LNPK: variants seen among roughly 807,000 people sequenced by gnomAD.
LNPK encodes lunapark, ER junction formation factor.
In LNPK, 29 loss-of-function variants were observed where a neutral mutation model predicts 55.2. That is an observed-to-expected ratio of 0.53 (90% confidence interval 0.39 to 0.72). The LOEUF is 0.72. Ranked by LOEUF, LNPK falls within the 30% of genes least tolerant of loss-of-function variation. LNPK has a pLI of 0.00. For synonymous variants in LNPK, 162 were observed against 168.2 expected (o/e 0.96, Z 0.29); for missense variants, 467 against 494.8 (o/e 0.94, Z 0.53).
chr2:175,976,726 T>C (rs1686928782), intron 5 of LNPK, among the ~76,000 whole-genome samples: 1 of 152,208 alleles, frequency 6.6e-6, no homozygotes, highest in African/African-American at 2.4e-5. Flanking sequence ...AAACATCAGC[T>C]CTTTCTGGGT....
At chr2:175,982,993 A>G (rs1687244930) in intron 4 of LNPK, among the ~76,000 whole-genome samples, 2 of 152,224 alleles carry the variant, frequency 1.3e-5, no homozygotes, top group Admixed American at 1.3e-4. Context: ...CTAAAACTCA[A>G]CCATCAGAAT....
At chr2:175,996,103 G>A (rs949186718) in intron 1 of LNPK, among the ~76,000 whole-genome samples, 1 of 151,984 alleles carries the variant, frequency 6.6e-6, no homozygotes, top group Non-Finnish European at 1.5e-5. Context: ...GTGAGCCATC[G>A]CACACCACCA....
chr2:175,980,796 A>G (rs1487265573), intron 4 of LNPK, among the ~76,000 whole-genome samples: 2 of 151,744 alleles, frequency 1.3e-5, no homozygotes, highest in Non-Finnish European at 1.5e-5. Context: ...AGTCCCAGCT[A>G]CTTGGGAGGC....
chr2:175,962,576 T>C (rs1686097974), intron 8 of LNPK, among the ~76,000 whole-genome samples: 1 of 152,178 alleles, frequency 6.6e-6, no homozygotes, highest in Non-Finnish European at 1.5e-5. Flanking sequence ...AAGACTTAAA[T>C]GTTAGACCTA....
intron 8 of LNPK, among the ~76,000 whole-genome samples, chr2:175,952,412 C>G (rs1454392928): frequency 2.0e-5 from 3 of 151,844 alleles, no homozygotes; most frequent in African/African-American, 7.3e-5. Context: ...GATATATTTT[C>G]AGGTAAATTT....
Position 175,987,760 on chromosome 2 carries a change from T to C in LNPK, c.257+4471A>G, listed in dbSNP as rs79746376. On this transcript the variant is annotated intron_variant, in intron 4 of 12. Transcript: ENST00000272748. The stretch of plus-strand genomic sequence containing the variant: ...GACTCACATTCATCAAAGCATTTGT[T>C]GTTCTTTTCTGAATGAAATTAATGC... Among the ~76,000 whole-genome samples the C allele has an allele frequency of 1.0e-3, 154 of 152,316 alleles. 1 individual carries two copies. Among genetic ancestry groups the C allele is most frequent in the African/African-American group, 3.5e-3 (144 of 41,560 alleles).
At position 175,951,607 on chromosome 2, in the gene LNPK, A is replaced by ATATATATC. The variant is rs972901665; in HGVS notation, c.494-3916_494-3915insGATATATA. 5.9e-4 allele frequency among the ~76,000 whole-genome samples: 72 copies of ATATATATC among 121,704 alleles called. 7 individuals are homozygous for ATATATATC. Among genetic ancestry groups the ATATATATC allele is most frequent in the Admixed American group, 3.4e-3 (42 of 12,220 alleles). 79.8% of individuals were successfully genotyped at this position (121,704 alleles called of 152,430 possible). The stretch of plus-strand genomic sequence containing the variant: ...TTCATATATATATATATATATATAT[A>ATATATATC]TATCTCAGTTTCTTTATCCACTCAT... On this transcript the variant is annotated intron_variant, in intron 8 of 12. Coordinates refer to ENST00000272748, the MANE Select transcript of LNPK (RefSeq NM_030650.3).
chr2:175,940,489 T>C (rs77386279), intron 9 of LNPK, among the ~76,000 whole-genome samples: 221 of 152,216 alleles, frequency 1.5e-3, no homozygotes, highest in Non-Finnish European at 2.5e-3. Flanking sequence ...GGGCCAAGAA[T>C]ATTGCCCATT....
intron 2 of LNPK, 112 bp downstream of exon 2, chr2:175,995,446 G>T: frequency 1.4e-6 from 1 of 701,976 alleles, no homozygotes; most frequent in South Asian, 3.0e-5. Context: ...AAAAGTTAAG[G>T]AAAATAGCAA....
At position 175,924,880 on chromosome 2, in the gene LNPK, G is replaced by C. The variant is rs1379682049; in HGVS notation, c.*5087C>G. The C allele has an allele frequency of 6.6e-6, 1 of 152,210 alleles. No individual in the cohort carries two copies. The highest frequency in any genetic ancestry group is 1.5e-5 in the Non-Finnish European group (1 of 68,208). 9.4% of individuals were successfully genotyped at this position (152,210 alleles called of 1,614,324 possible). On this transcript the variant is annotated 3_prime_UTR_variant, in exon 13 of 13. Coordinates refer to ENST00000272748, the MANE Select transcript of LNPK (RefSeq NM_030650.3). ...AGAGGAAGCAAAGAAGAAAGGGAGG[G>C]AGGATACCAGGCTCTTTTAAACAAT...
chr2:175,997,705 CTGTGTG>C (rs35147185), intron 1 of LNPK, among the ~76,000 whole-genome samples: 17 of 144,028 alleles, frequency 1.2e-4, no homozygotes, highest in African/African-American at 2.3e-4. Flanking sequence ...AACAAATGCT[CTGTGTG>C]TGTGTGTGTG....
At chr2:175,943,114 A>C (rs1684939212) in intron 9 of LNPK, among the ~76,000 whole-genome samples, 1 of 151,750 alleles carries the variant, frequency 6.6e-6, no homozygotes, top group Non-Finnish European at 1.5e-5. Context: ...TCACTCAAGA[A>C]GATAAAAATA....
At chr2:175,945,135 G>A (rs910558511) in intron 9 of LNPK, among the ~76,000 whole-genome samples, 4 of 151,686 alleles carry the variant, frequency 2.6e-5, no homozygotes, top group Non-Finnish European at 5.9e-5. Flanking sequence ...CTGACCTCAG[G>A]TGATCTGCCC....
chr2:175,939,800 TGAA>T (rs1376195017), intron 9 of LNPK, 143 bp from the exon 10 acceptor site: 1 of 506,402 alleles, frequency 2.0e-6, no homozygotes, highest in Non-Finnish European at 3.5e-6. Flanking sequence ...TATAAATCTC[TGAA>T]GAACATTCAA....
intron 9 of LNPK, among the ~76,000 whole-genome samples, chr2:175,946,943 A>G (rs547831611): frequency 2.0e-5 from 3 of 152,246 alleles, no homozygotes; most frequent in South Asian, 2.1e-4. Flanking sequence ...CTATGAAATA[A>G]AGAGAATATG....
In LNPK at chr2:175,928,605, A is replaced by G. The variant is rs954631498; in HGVS notation, c.*1362T>C. 1 of 152,038 alleles carries G rather than the reference A, an allele frequency of 6.6e-6. No homozygotes were observed. The highest frequency in any genetic ancestry group is 6.5e-5 in the Admixed American group (1 of 15,270). 9.4% of individuals were successfully genotyped at this position (152,038 alleles called of 1,614,324 possible). Reference sequence around the variant, plus strand: ...AAATGTTTTGTTCAGTTGTTAATAAACTGTGTGCAACTTAGAAACATTAGC... The same window carrying G: ...AAATGTTTTGTTCAGTTGTTAATAAGCTGTGTGCAACTTAGAAACATTAGC... On this transcript the variant is annotated 3_prime_UTR_variant, in exon 13 of 13. Coordinates refer to ENST00000272748, the MANE Select transcript of LNPK (RefSeq NM_030650.3).
At position 175,951,924 on chromosome 2, in the gene LNPK, C is replaced by A. The variant is rs907455010; in HGVS notation, c.494-4232G>T. Among the ~76,000 whole-genome samples, 3 of 151,880 alleles carry A rather than the reference C, an allele frequency of 2.0e-5. No homozygotes were observed. The South Asian group carries it at 6.2e-4, about 32-fold the overall frequency. ...TATTTTTTTAATTTTTTTATTATGG[C>A]CATTCTTGCAGGAGTAAGGTGGTAT... is the stretch of plus-strand genomic sequence containing the variant. On this transcript the variant is annotated intron_variant, in intron 8 of 12. Transcript: ENST00000272748.
At chr2:176,001,796 T>G (rs1688169643) in intron 1 of LNPK, among the ~76,000 whole-genome samples, 1 of 152,062 alleles carries the variant, frequency 6.6e-6, no homozygotes, top group Admixed American at 6.5e-5. Context: ...GCCCCACCTG[T>G]GTCGAGATAA....
Position 175,929,125 on chromosome 2 carries a change from C to G in LNPK, c.*842G>C. Reference sequence around the variant, plus strand: ...GATATTTAGCAAAATGAAACTGATGCCAGATTATTTTCATTTTCCTTAATA... The same window carrying G: ...GATATTTAGCAAAATGAAACTGATGGCAGATTATTTTCATTTTCCTTAATA... On this transcript the variant is annotated 3_prime_UTR_variant, in exon 13 of 13. Coordinates refer to ENST00000272748, the MANE Select transcript of LNPK (RefSeq NM_030650.3). The G allele has an allele frequency of 1.0e-6, 1 of 984,506 alleles. No homozygotes were observed. The highest frequency in any genetic ancestry group is 1.2e-6 in the Non-Finnish European group (1 of 828,962). 61.0% of individuals were successfully genotyped at this position (984,506 alleles called of 1,614,324 possible).
Sources: allele counts gnomAD v4.1 joint callset (sites outside exome capture counted in the v4.1 genomes callset), GRCh38; gene constraint gnomAD v4.1.1; transcripts MANE v1.5; gene names NCBI Gene and HGNC (gene_info 2026-07-23, HGNC 2026-07-21).